PAPPA2: variants seen among roughly 807,000 people sequenced by gnomAD.
PAPPA2 encodes the protein pappalysin-2.
Under a neutral mutation model 176.4 loss-of-function variants are expected in PAPPA2, and 86 were observed. The ratio of observed to expected loss-of-function variants is 0.49; its 90% CI spans 0.41 to 0.58. The LOEUF is 0.58. PAPPA2 is among the 20% of genes least tolerant of loss of function. The pLI, the probability that PAPPA2 is intolerant of heterozygous loss-of-function variation, is 0.00. For synonymous variants in PAPPA2, 809 were observed against 852.2 expected, an observed-to-expected ratio of 0.95 and a Z score of 0.88; for missense variants, 2,073 against 2,256.9, an observed-to-expected ratio of 0.92 and a Z score of 1.65.
rs12084295 is a variant in PAPPA2, at chr1:176,769,311, A to G, written c.4324-296A>G. Among the ~76,000 whole-genome samples, 1,437 of 152,272 alleles carry G rather than the reference A, an allele frequency of 9.4e-3. 30 individuals carry two copies. Among genetic ancestry groups the G allele is most frequent in the African/African-American group, 0.032 (1,333 of 41,540 alleles). ...GTTTCCCTGGCCCAGAGCAGAGTAG[A>G]GAAGGGTAGAGAACAGGTCTGGAGG... On this transcript the variant is annotated intron_variant, in intron 15 of 22. Coordinates refer to ENST00000367662, the MANE Select transcript of PAPPA2 (RefSeq NM_020318.3).
At chr1:176,519,179 G>C (rs1558413946) in intron 1 of PAPPA2, among the ~76,000 whole-genome samples, 1 of 152,182 alleles carries the variant, frequency 6.6e-6, no homozygotes, top group Non-Finnish European at 1.5e-5. Flanking sequence ...TTGCAAAATA[G>C]AGTAAGACAT....
intron 2 of PAPPA2, among the ~76,000 whole-genome samples, chr1:176,582,044 C>T (rs1276577900): frequency 6.6e-6 from 1 of 151,278 alleles, no homozygotes; most frequent in Non-Finnish European, 1.5e-5. Flanking sequence ...CTACCTCAGC[C>T]TCCCGAGTAG....
chr1:176,782,408 C>T (rs1421517321), intron 17 of PAPPA2, among the ~76,000 whole-genome samples: 2 of 151,904 alleles, frequency 1.3e-5, no homozygotes, highest in Non-Finnish European at 2.9e-5. Context: ...TCAGGGTATG[C>T]ATCCTATGAA....
At chr1:176,804,303 C>T (rs1665802441) in intron 21 of PAPPA2, among the ~76,000 whole-genome samples, 1 of 152,124 alleles carries the variant, frequency 6.6e-6, no homozygotes, top group Non-Finnish European at 1.5e-5. Context: ...TGATTCTCAG[C>T]TAGGGACAAT....
chr1:176,608,558 C>A (rs1487950345), intron 3 of PAPPA2, among the ~76,000 whole-genome samples: 1 of 152,172 alleles, frequency 6.6e-6, no homozygotes, highest in Non-Finnish European at 1.5e-5. Context: ...TACAGGTTTT[C>A]TTGCTGTACC....
intron 1 of PAPPA2, among the ~76,000 whole-genome samples, chr1:176,468,503 T>A (rs1651729775): frequency 6.6e-6 from 1 of 152,160 alleles, no homozygotes; most frequent in African/African-American, 2.4e-5. Context: ...AGCTAAGTGC[T>A]GGCAAAGTGG....
intron 1 of PAPPA2, among the ~76,000 whole-genome samples, chr1:176,468,668 G>A (rs1651738794): frequency 6.6e-6 from 1 of 152,074 alleles, no homozygotes; most frequent in African/African-American, 2.4e-5. Context: ...TTCATGTGAA[G>A]GCACACATTG....
Position 176,556,372 on chromosome 1 carries a change from G to A in PAPPA2, c.50G>A (p.Trp17Ter). ...LRISLAILAG[W>*]ALCSANSELG... ...ATAAGCCTGGCGATTTTGGCTGGGT[G>A]GGCACTCTGTTCTGCCAACTCTGAG... The change falls in exon 2 of 23, where the codon TGG becomes TAG. Residue 17 changes from tryptophan (W) to a stop codon, truncating the protein, a stop_gained. Transcript: ENST00000367662. LOFTEE classifies it high-confidence loss of function. 6.2e-7 allele frequency: 1 copy of A among 1,614,166 alleles called. No individual in the cohort carries two copies. The highest frequency in any genetic ancestry group is 8.5e-7 in the Non-Finnish European group (1 of 1,180,016).
intron 1 of PAPPA2, chr1:176,537,205 T>C (rs1650112072): frequency 6.6e-6 from 1 of 152,218 alleles, no homozygotes; most frequent in Non-Finnish European, 1.5e-5. Flanking sequence ...AATAATTTTG[T>C]ACTCTAATTG....
At chr1:176,584,821 G>A (rs553802542) in intron 2 of PAPPA2, among the ~76,000 whole-genome samples, 9 of 152,026 alleles carry the variant, frequency 5.9e-5, no homozygotes, top group Admixed American at 3.3e-4. Context: ...TGCAACCTCC[G>A]CCTCCCAGGT....
rs1208804063 is a variant in PAPPA2, at chr1:176,623,747, T to TTTCCTTCCTTCC, written c.1991+28155_1991+28166dup. ...CTTTCTCTTTCTTTCTTTCTCTCTCTTTCCTTCCTTCCTTTCTTTCTTTCT... is the reference window on the plus strand; with the variant it reads ...CTTTCTCTTTCTTTCTTTCTCTCTCTTTCCTTCCTTCCTTCCTTCCTTCCTTTCTTTCTTTCT... On this transcript the variant is annotated intron_variant, in intron 3 of 22. Coordinates refer to ENST00000367662, the MANE Select transcript of PAPPA2 (RefSeq NM_020318.3). 1.4e-3 allele frequency among the ~76,000 whole-genome samples: 124 copies of TTTCCTTCCTTCC among 86,316 alleles called. 2 individuals are homozygous for TTTCCTTCCTTCC. Among genetic ancestry groups the TTTCCTTCCTTCC allele is most frequent in the Middle Eastern group, 5.5e-3 (1 of 182 alleles). The allele number at this position is 86,316 out of a possible 152,430, so 56.6% of individuals were successfully genotyped here.
At chr1:176,750,017 T>C (rs1383571161) in intron 14 of PAPPA2, among the ~76,000 whole-genome samples, 2 of 152,220 alleles carry the variant, frequency 1.3e-5, no homozygotes, top group Non-Finnish European at 2.9e-5. Context: ...CTGGATCATA[T>C]GGTTAAGAGG....
At chr1:176,739,872 T>A in intron 13 of PAPPA2, 108 bp from the exon 14 acceptor site, 1 of 1,564,996 alleles carries the variant, frequency 6.4e-7, no homozygotes, top group South Asian at 1.2e-5. Context: ...ACATCATACA[T>A]CTAGGTTTTG....
intron 2 of PAPPA2, among the ~76,000 whole-genome samples, chr1:176,588,080 A>G (rs1653432645): frequency 1.3e-5 from 2 of 152,250 alleles, no homozygotes; most frequent in South Asian, 4.1e-4. Context: ...GTCCTCTCTT[A>G]TATCCTTGAG....
At position 176,556,330 on chromosome 1, in the gene PAPPA2, GC is replaced by G; in HGVS notation, c.9del (p.Leu4Ter). The G allele has an allele frequency of 6.2e-7, 1 of 1,613,660 alleles. No homozygotes were observed. Among genetic ancestry groups the G allele is most frequent in the Admixed American group, 1.7e-5 (1 of 60,000 alleles). On this transcript the variant is annotated frameshift_variant, in exon 2 of 23. Coordinates refer to ENST00000367662, the MANE Select transcript of PAPPA2 (RefSeq NM_020318.3). LOFTEE classifies it high-confidence loss of function. ...GAAAGAGCTAGGGGAGGTATGATGT[GC>G]TTAAAGATCCTAAGAATAAGCCTGG... MM[C>X]LKILRISLAI...
intron 1 of PAPPA2, among the ~76,000 whole-genome samples, chr1:176,476,306 TGC>T (rs1652122945): frequency 6.6e-6 from 1 of 152,184 alleles, no homozygotes; most frequent in Admixed American, 6.5e-5. Flanking sequence ...ACAGAGACCT[TGC>T]ATCTAGAGTA....
At chr1:176,803,137 G>A (rs1665753593) in intron 21 of PAPPA2, among the ~76,000 whole-genome samples, 1 of 151,414 alleles carries the variant, frequency 6.6e-6, no homozygotes, top group African/African-American at 2.4e-5. Flanking sequence ...TGGCAACTTA[G>A]TTAATGGAAA....
intron 1 of PAPPA2, among the ~76,000 whole-genome samples, chr1:176,524,226 A>T (rs1162902943): frequency 6.6e-6 from 1 of 152,170 alleles, no homozygotes; most frequent in Admixed American, 6.5e-5. Flanking sequence ...TGATGTAATA[A>T]GCCATATACG....
intron 12 of PAPPA2, among the ~76,000 whole-genome samples, chr1:176,731,828 G>T (rs1662172663): frequency 6.6e-6 from 1 of 151,750 alleles, no homozygotes; most frequent in Non-Finnish European, 1.5e-5. Context: ...ACTTTGGGTT[G>T]CAGAAAAAAA....
Sources: allele counts gnomAD v4.1 joint callset (sites outside exome capture counted in the v4.1 genomes callset), GRCh38; gene constraint gnomAD v4.1.1; transcripts MANE v1.5; gene names NCBI Gene and HGNC (gene_info 2026-07-23, HGNC 2026-07-21).